Variants in ERG observed in about 807,000 individuals in gnomAD.
ERG encodes the protein ETS transcription factor ERG.
A neutral mutation model predicts 55.3 loss-of-function variants in ERG; 9 were observed. That is an observed-to-expected ratio of 0.16 (90% CI 0.10 to 0.28). ERG has a LOEUF of 0.28. Ranked by LOEUF, ERG falls within the 10% of genes least tolerant of loss-of-function variation. The pLI, the probability that ERG is intolerant of heterozygous loss-of-function variation, is 1.00. For missense variants in ERG, 434 were observed against 631.6 expected, an observed-to-expected ratio of 0.69 and a Z score of 3.35; for synonymous variants, 223 against 237.3, an observed-to-expected ratio of 0.94 and a Z score of 0.55.
intron 1 of ERG, among the ~76,000 whole-genome samples, chr21:38,466,111 G>A (rs2059086465): frequency 6.6e-6 from 1 of 152,142 alleles, no homozygotes; most frequent in African/African-American, 2.4e-5. Flanking sequence ...GTTTAAATTT[G>A]TCCCCAGTAC....
At chr21:38,470,750 G>T (rs946046224) in intron 1 of ERG, 2 of 152,192 alleles carry the variant, frequency 1.3e-5, no homozygotes, top group Non-Finnish European at 2.9e-5. Context: ...ATCAACTTTG[G>T]CACCATTAAA....
chr21:38,403,796 A>T (rs1214397413), intron 3 of ERG, 87 bp from the exon 4 acceptor site: 9 of 1,287,044 alleles, frequency 7.0e-6, no homozygotes, highest in African/African-American at 1.5e-5. Context: ...GGGATTTCTG[A>T]CCAGCTGCCT....
In ERG at chr21:38,385,589, CT is replaced by C. The variant is rs555532371; in HGVS notation, c.920-1667del. 2.6e-5 allele frequency among the ~76,000 whole-genome samples: 4 copies of C among 152,290 alleles called. No individual in the cohort carries two copies. In the South Asian group the frequency reaches 8.3e-4, roughly 32 times the overall value. ...ACAATAGCACTGTGAGAAAGGTCAGCTTTTTCTGAATCTATGCTGGAAAGTG... is the reference window on the plus strand; with the variant it reads ...ACAATAGCACTGTGAGAAAGGTCAGCTTTTCTGAATCTATGCTGGAAAGTG... On this transcript the variant is annotated intron_variant, in intron 9 of 9. Coordinates refer to ENST00000288319, the MANE Select transcript of ERG (RefSeq NM_182918.4).
chr21:38,478,754 G>A (rs1386942153), intron 1 of ERG, among the ~76,000 whole-genome samples: 2 of 152,200 alleles, frequency 1.3e-5, no homozygotes, highest in Non-Finnish European at 2.9e-5. Context: ...CATAGTGTTT[G>A]ACAATAATAT....
intron 2 of ERG, among the ~76,000 whole-genome samples, chr21:38,436,030 T>C (rs1289185999): frequency 6.6e-6 from 1 of 150,762 alleles, no homozygotes; most frequent in Non-Finnish European, 1.5e-5. Flanking sequence ...CTTTTTTTTT[T>C]TTTTTTGAGA....
intron 2 of ERG, among the ~76,000 whole-genome samples, chr21:38,552,736 G>A (rs987038979): frequency 6.6e-6 from 1 of 150,886 alleles, no homozygotes; most frequent in Non-Finnish European, 1.5e-5. Flanking sequence ...TACTGAACAG[G>A]AAAAGCTGGA....
chr21:38,575,745 C>T (rs371363525), exon 2 of ERG: 90 of 1,612,220 alleles, frequency 5.6e-5, no homozygotes, highest in African/African-American at 1.1e-4. Flanking sequence ...CAGAACCTGA[C>T]GGCTAGAAGA....
intron 1 of ERG, among the ~76,000 whole-genome samples, chr21:38,647,464 G>A (rs1421886612): frequency 2.6e-5 from 4 of 152,070 alleles, no homozygotes; most frequent in Admixed American, 1.3e-4. Context: ...GTAGACATAC[G>A]TATATGTATA....
Position 38,434,532 on chromosome 21 carries a change from G to T in ERG, c.236+10872C>A, listed in dbSNP as rs980720065. Among the ~76,000 whole-genome samples, 200 of 152,176 alleles carry T rather than the reference G, an allele frequency of 1.3e-3. 2 individuals are homozygous for T. Among genetic ancestry groups the T allele is most frequent in the Non-Finnish European group, 4.7e-4 (32 of 68,036 alleles). Reference sequence around the variant, plus strand: ...CTCTGTATTTTCTCAGTAAGTGTCTGCAGGATGAGTGAGTACATTTATGAA... The same window carrying T: ...CTCTGTATTTTCTCAGTAAGTGTCTTCAGGATGAGTGAGTACATTTATGAA... On this transcript the variant is annotated intron_variant, in intron 2 of 9. Coordinates refer to ENST00000288319, the MANE Select transcript of ERG (RefSeq NM_182918.4).
intron 3 of ERG, among the ~76,000 whole-genome samples, chr21:38,405,163 C>T (rs1203729034): frequency 6.6e-6 from 1 of 152,150 alleles, no homozygotes; most frequent in African/African-American, 2.4e-5. Flanking sequence ...GAAGTTAGTA[C>T]GTGTATCACT....
intron 1 of ERG, among the ~76,000 whole-genome samples, chr21:38,623,910 A>G (rs936612711): frequency 6.6e-6 from 1 of 152,244 alleles, no homozygotes; most frequent in African/African-American, 2.4e-5. Context: ...ATTGAAGTTC[A>G]TAATTTCCTC....
chr21:38,423,814 C>T (rs779651323), intron 2 of ERG, among the ~76,000 whole-genome samples: 3 of 151,882 alleles, frequency 2.0e-5, no homozygotes, highest in African/African-American at 4.8e-5. Flanking sequence ...GGTGAAACCC[C>T]GTCTCTACTA....
chr21:38,603,925 T>C (rs551661723), intron 1 of ERG, among the ~76,000 whole-genome samples: 14 of 151,346 alleles, frequency 9.3e-5, no homozygotes, highest in Admixed American at 9.2e-4. Context: ...CCTTCACGTA[T>C]TGGCATCTTG....
At chr21:38,513,727 A>G (rs947074523) in intron 2 of ERG, among the ~76,000 whole-genome samples, 3 of 152,166 alleles carry the variant, frequency 2.0e-5, no homozygotes, top group African/African-American at 7.2e-5. Flanking sequence ...CATAGGAAAG[A>G]GGCAAAGGCA....
intron 5 of ERG, among the ~76,000 whole-genome samples, chr21:38,401,547 G>A (rs916754186): frequency 2.6e-5 from 4 of 152,084 alleles, no homozygotes; most frequent in East Asian, 1.9e-4. Context: ...TACTCAAACC[G>A]GGACTCACTC....
At chr21:38,530,606 T>C (rs2059665565) in intron 2 of ERG, among the ~76,000 whole-genome samples, 1 of 152,168 alleles carries the variant, frequency 6.6e-6, no homozygotes. Flanking sequence ...AATTGGCAAG[T>C]ATAATAACTG....
chr21:38,382,181 C>T lies in ERG; in HGVS notation c.*1222G>A, dbSNP rs896683184. 49 of 1,050,476 alleles carry T rather than the reference C, an allele frequency of 4.7e-5. No homozygotes were observed. The highest frequency in any genetic ancestry group is 3.2e-4 in the South Asian group (7 of 21,846). 65.1% of individuals were successfully genotyped at this position (1,050,476 alleles called of 1,614,324 possible). The stretch of plus-strand genomic sequence containing the variant: ...CTTTTGTCGTGTGTCTTTGGCTGGC[C>T]GAGATCAACTCGTAGTGTATAAATG... On this transcript the variant is annotated 3_prime_UTR_variant, in exon 10 of 10. Transcript: ENST00000288319.
chr21:38,517,580 A>G (rs1027864019), intron 2 of ERG, among the ~76,000 whole-genome samples: 4 of 152,200 alleles, frequency 2.6e-5, no homozygotes, highest in Non-Finnish European at 4.4e-5. Flanking sequence ...ATAAGACTCA[A>G]TATAATCCAG....
intron 3 of ERG, among the ~76,000 whole-genome samples, chr21:38,420,305 TG>T (rs1569083658): frequency 1.5e-4 from 6 of 38,920 alleles, no homozygotes; most frequent in African/African-American, 1.5e-3. Context: ...TGTGTGTGCG[TG>T]TGTGTGTGTG....
Sources: allele counts gnomAD v4.1 joint callset (sites outside exome capture counted in the v4.1 genomes callset), GRCh38; gene constraint gnomAD v4.1.1; transcripts MANE v1.5; gene names NCBI Gene and HGNC (gene_info 2026-07-23, HGNC 2026-07-21).